FARP1: variants seen among roughly 807,000 people sequenced by gnomAD.
The protein encoded by FARP1 is FERM, ARH/RhoGEF and pleckstrin domain protein 1.
In FARP1, 52 loss-of-function variants were observed where a neutral mutation model predicts 128.8. The observed-to-expected ratio is 0.40, with a 90% CI of 0.32 to 0.51. FARP1 has a LOEUF of 0.51. Among genes scored for constraint, FARP1 ranks in the 20% least tolerant of loss-of-function variants. FARP1 has a pLI of 0.45. For synonymous variants in FARP1, 580 were observed against 551.8 expected, an observed-to-expected ratio of 1.05 and a Z score of -0.72; for missense variants, 1,333 against 1,367.9, an observed-to-expected ratio of 0.97 and a Z score of 0.40.
intron 1 of FARP1, among the ~76,000 whole-genome samples, chr13:98,167,597 C>CT (rs1444846183): frequency 6.6e-6 from 1 of 151,510 alleles, no homozygotes; most frequent in Non-Finnish European, 1.5e-5. Context: ...TTTAGTAGAG[C>CT]TAGGGTTTCA....
chr13:98,440,691 C>T lies in FARP1; in HGVS notation c.2651C>T (p.Ala884Val), dbSNP rs190467958. 9.0e-5 allele frequency: 145 copies of T among 1,613,080 alleles called. No homozygotes were observed. The highest frequency in any genetic ancestry group is 1.7e-4 in the Middle Eastern group (1 of 6,056). Reference sequence around the variant, plus strand: ...GTAGAGTCCCCTGATGAAGCCACCGCGGCTGACCAGGAGTCAGAGGATGAC... The same window carrying T: ...GTAGAGTCCCCTGATGAAGCCACCGTGGCTGACCAGGAGTCAGAGGATGAC... ...PDNKSPDEATAADQESEDDLS... is the reference protein window; with the variant it reads ...PDNKSPDEATVADQESEDDLS... The change falls in exon 24 of 27, where the codon GCG becomes GTG. Residue 884 changes from alanine to valine, a missense_variant. Physicochemically the swap from Ala to Val is moderately conservative, Grantham distance 64 (BLOSUM62 0). Around this residue, in one of 2 missense-constraint regions of FARP1, gnomAD observed 1,009 missense variants for 969.8 expected, o/e 1.04. Coordinates refer to ENST00000319562, the MANE Select transcript of FARP1 (RefSeq NM_005766.4).
intron 8 of FARP1, 178 bp downstream of exon 8, chr13:98,385,992 A>G (rs554128880): frequency 6.3e-5 from 39 of 619,346 alleles, no homozygotes; most frequent in African/African-American, 5.5e-4. Context: ...CCCAGATTCT[A>G]TTTCACTTAC....
At position 98,168,943 on chromosome 13, in the gene FARP1, T is replaced by G. The variant is rs553596567; in HGVS notation, c.-24+25451T>G. On this transcript the variant is annotated intron_variant, in intron 1 of 26. Coordinates refer to ENST00000319562, the MANE Select transcript of FARP1 (RefSeq NM_005766.4). The stretch of plus-strand genomic sequence containing the variant: ...AGTGCAGTCTTTGTTTAACTCAATG[T>G]TGGTGTGTATATCATTATGACTGTG... 3.3e-5 allele frequency among the ~76,000 whole-genome samples: 5 copies of G among 152,356 alleles called. No homozygotes were observed. In the East Asian group the frequency reaches 9.6e-4, roughly 29 times the overall value.
intron 2 of FARP1, among the ~76,000 whole-genome samples, chr13:98,285,106 T>C (rs1032978714): frequency 7.2e-5 from 11 of 152,160 alleles, no homozygotes; most frequent in African/African-American, 2.7e-4. Flanking sequence ...AATGCTGCAG[T>C]GCTCATGGAA....
Position 98,448,367 on chromosome 13 carries a change from C to G in FARP1, c.*50C>G, listed in dbSNP as rs762228137. 6.4e-6 allele frequency: 9 copies of G among 1,398,868 alleles called. No homozygotes were observed. The highest frequency in any genetic ancestry group is 9.2e-6 in the Non-Finnish European group (9 of 983,572). 86.7% of individuals were successfully genotyped at this position (1,398,868 alleles called of 1,614,324 possible). A position where few individuals can be genotyped will look rare whatever the true frequency, so the allele number is the denominator to read the frequency against. ...GTGGCTGCTTTCCTGGAAGACGTTT[C>G]CTTTCTTCTGTATTAATGAAGCCTG... is the stretch of plus-strand genomic sequence containing the variant. On this transcript the variant is annotated 3_prime_UTR_variant, in exon 27 of 27. Transcript: ENST00000319562.
intron 1 of FARP1, among the ~76,000 whole-genome samples, chr13:98,185,784 G>A (rs776255875): frequency 1.3e-5 from 2 of 151,904 alleles, no homozygotes; most frequent in Non-Finnish European, 2.9e-5. Context: ...TGCAACCTCC[G>A]CCTCCTGGGT....
chr13:98,313,109 TACAC>T (rs10565192), intron 2 of FARP1, among the ~76,000 whole-genome samples: 36,032 of 138,128 alleles, frequency 0.26, 4,449 homozygotes, highest in African/African-American at 0.36. Flanking sequence ...TGGGTCATAA[TACAC>T]ACACACACAC....
chr13:98,262,221 T>C (rs1167640185), intron 2 of FARP1, among the ~76,000 whole-genome samples: 1 of 151,162 alleles, frequency 6.6e-6, no homozygotes, highest in Non-Finnish European at 1.5e-5. Flanking sequence ...GGTTTTACCA[T>C]GTTGTGTAGG....
chr13:98,321,340 C>T (rs1041847944), intron 2 of FARP1, among the ~76,000 whole-genome samples: 2 of 152,184 alleles, frequency 1.3e-5, no homozygotes. Context: ...GTCTTGAGTC[C>T]AGGCTTGACT....
chr13:98,295,436 C>G (rs1885644694), intron 2 of FARP1, among the ~76,000 whole-genome samples: 1 of 152,096 alleles, frequency 6.6e-6, no homozygotes, highest in Non-Finnish European at 1.5e-5. Context: ...GGAATGCTAG[C>G]CATTTAGATT....
At chr13:98,373,599 G>A (rs1029200385) in intron 5 of FARP1, among the ~76,000 whole-genome samples, 7 of 147,858 alleles carry the variant, frequency 4.7e-5, no homozygotes, top group Non-Finnish European at 1.5e-5. Context: ...GGGTTGCGGG[G>A]AGAGACAGAA....
chr13:98,298,233 T>C (rs1259063545), intron 2 of FARP1, among the ~76,000 whole-genome samples: 1 of 152,220 alleles, frequency 6.6e-6, no homozygotes, highest in Non-Finnish European at 1.5e-5. Flanking sequence ...CAAGGCTTGG[T>C]TATCCCATTT....
intron 18 of FARP1, chr13:98,432,139 C>T (rs1336319026): frequency 6.6e-6 from 1 of 152,302 alleles, no homozygotes; most frequent in Non-Finnish European, 1.5e-5. Flanking sequence ...CAGAGTCACA[C>T]AGCTTGGAGG....
Position 98,453,078 on chromosome 13 carries a change from C to G in FARP1, c.*4761C>G, listed in dbSNP as rs1020097832. ...GGTGGCTCCCAGTGGCGCACCTCTT[C>G]GGTGGAGTCAGCGAAGGCTCTCGTT... On this transcript the variant is annotated 3_prime_UTR_variant, in exon 27 of 27. Coordinates refer to ENST00000319562, the MANE Select transcript of FARP1 (RefSeq NM_005766.4). 3 of 1,456,172 alleles carry G rather than the reference C, an allele frequency of 2.1e-6. No individual in the cohort carries two copies. Among genetic ancestry groups the G allele is most frequent in the Non-Finnish European group, 2.9e-6 (3 of 1,052,024 alleles). The allele number at this position is 1,456,172 out of a possible 1,614,324, so 90.2% of individuals were successfully genotyped here. A position where few individuals can be genotyped will look rare whatever the true frequency, so the allele number is the denominator to read the frequency against.
At chr13:98,276,617 T>G (rs1235397059) in intron 2 of FARP1, among the ~76,000 whole-genome samples, 1 of 152,266 alleles carries the variant, frequency 6.6e-6, no homozygotes, top group East Asian at 1.9e-4. Flanking sequence ...TACGTTTGGA[T>G]TTTGTTTACA....
intron 13 of FARP1, chr13:98,398,960 C>T (rs1414552875): frequency 6.6e-6 from 1 of 152,190 alleles, no homozygotes; most frequent in Non-Finnish European, 1.5e-5. Context: ...TTGCTTTTTC[C>T]TACAGCAGTG....
chr13:98,249,003 G>A (rs549486608), intron 2 of FARP1, among the ~76,000 whole-genome samples: 1 of 152,248 alleles, frequency 6.6e-6, no homozygotes, highest in East Asian at 1.9e-4. Context: ...TGAGTCAACA[G>A]TGTATATTAA....
chr13:98,383,789 C>T (rs1056488029), intron 6 of FARP1: 3 of 152,244 alleles, frequency 2.0e-5, no homozygotes, highest in Non-Finnish European at 4.4e-5. Flanking sequence ...TTCCACATTC[C>T]AGCAGTATTG....
chr13:98,422,755 C>G (rs1891639843), intron 16 of FARP1, among the ~76,000 whole-genome samples: 2 of 152,084 alleles, frequency 1.3e-5, no homozygotes, highest in African/African-American at 4.8e-5. Flanking sequence ...GTCAGAAGAT[C>G]CTTGATGTAT....
Sources: gnomAD v4.1 joint callset for allele counts (sites outside exome capture counted in the v4.1 genomes callset) on GRCh38, gnomAD v4.1.1 for gene constraint, gnomAD v4.1.1 regional missense constraint, MANE v1.5 for transcripts, NCBI Gene and HGNC (gene_info 2026-07-23, HGNC 2026-07-21) for gene names.